The following RUFY1 variants were observed in gnomAD, a reference collection of about 807,000 sequenced individuals.
RUFY1 encodes RUN and FYVE domain containing 1, also known as RUN and FYVE domain-containing protein 1.
In RUFY1, 54 loss-of-function variants were observed where a neutral mutation model predicts 94.6. That is an observed-to-expected ratio of 0.57 (90% confidence interval 0.46 to 0.72). RUFY1 has a LOEUF of 0.72. RUFY1 is among the 30% of genes least tolerant of loss of function. RUFY1 has a pLI of 0.00. For missense variants in RUFY1, 883 were observed against 883.9 expected, an observed-to-expected ratio of 1.00 and a Z score of 0.01; for synonymous variants, 396 against 347.3, an observed-to-expected ratio of 1.14 and a Z score of -1.56.
At chr5:179,577,039 CATTTT>C in intron 5 of RUFY1, 31 bp from the exon 6 acceptor site, 1 of 1,327,430 alleles carries the variant, frequency 7.5e-7, no homozygotes, top group Non-Finnish European at 1.1e-6. Flanking sequence ...AAAAATAGGA[CATTTT>C]ATTTAAACTT....
chr5:179,564,927 T>G (rs144554066), intron 3 of RUFY1, among the ~76,000 whole-genome samples: 1 of 152,126 alleles, frequency 6.6e-6, no homozygotes, highest in East Asian at 1.9e-4. Flanking sequence ...GGAAAGATTT[T>G]CAAGATGACA....
At chr5:179,575,813 ACT>A (rs1249561066) in intron 5 of RUFY1, among the ~76,000 whole-genome samples, 2 of 151,796 alleles carry the variant, frequency 1.3e-5, no homozygotes, top group African/African-American at 2.4e-5. Context: ...GCAGTGTCTG[ACT>A]CTGTCACCCA....
intron 9 of RUFY1, 132 bp downstream of exon 9, chr5:179,589,779 T>G (rs1186903793): frequency 1.4e-6 from 1 of 718,380 alleles, no homozygotes; most frequent in African/African-American, 1.8e-5. Context: ...AGAAAGGGCC[T>G]CTCACTGCGG....
chr5:179,570,047 ATT>A (rs34540241), intron 5 of RUFY1, among the ~76,000 whole-genome samples: 15 of 138,572 alleles, frequency 1.1e-4, no homozygotes, highest in Middle Eastern at 3.7e-3. Context: ...CCCGGCCTGT[ATT>A]TTTTTTTTTT....
chr5:179,550,802 C>T lies in RUFY1; in HGVS notation c.233C>T (p.Ser78Leu), dbSNP rs1182796142. The change falls in exon 1 of 18, where the codon TCG (serine) becomes TTG (leucine). Residue 78 changes from serine (S) to leucine (L), a missense_variant. Transcript: ENST00000319449. ...TLARRATGNL[S>L]ASCGSALRAA... ...GCACGCAGGGCCACCGGGAACCTGT[C>T]GGCGAGCTGCGGGAGCGCGCTGCGC... 1 of 1,319,056 alleles carries T rather than the reference C, an allele frequency of 7.6e-7. No homozygotes were observed. The highest frequency in any genetic ancestry group is 3.4e-5 in the Admixed American group (1 of 29,504). 81.7% of individuals were successfully genotyped at this position (1,319,056 alleles called of 1,614,324 possible). A position where few individuals can be genotyped will look rare whatever the true frequency, so the allele number is the denominator to read the frequency against.
At chr5:179,591,242 T>C (rs1035110872) in intron 9 of RUFY1, among the ~76,000 whole-genome samples, 1 of 152,044 alleles carries the variant, frequency 6.6e-6, no homozygotes, top group East Asian at 1.9e-4. Context: ...TGGAGTGCAA[T>C]GGCACGATCT....
intron 1 of RUFY1, among the ~76,000 whole-genome samples, chr5:179,556,484 T>C (rs1762118840): frequency 6.6e-6 from 1 of 152,010 alleles, no homozygotes; most frequent in Admixed American, 6.6e-5. Context: ...TAAAGAATTA[T>C]ACATAAATTT....
At chr5:179,577,926 T>G (rs1250830062) in intron 6 of RUFY1, among the ~76,000 whole-genome samples, 2 of 151,492 alleles carry the variant, frequency 1.3e-5, no homozygotes, top group Non-Finnish European at 2.9e-5. Context: ...AGATTTTCTG[T>G]TTTGTTTAGT....
At chr5:179,593,411 C>T (rs1223765939) in intron 10 of RUFY1, 67 bp from the exon 11 acceptor site, 8 of 1,532,996 alleles carry the variant, frequency 5.2e-6, no homozygotes, top group African/African-American at 1.4e-5. Flanking sequence ...ACCTGAGATT[C>T]AACCCCAGTT....
chr5:179,559,470 T>G (rs1762274236), intron 1 of RUFY1, among the ~76,000 whole-genome samples: 2 of 152,226 alleles, frequency 1.3e-5, no homozygotes, highest in Non-Finnish European at 2.9e-5. Flanking sequence ...GGCACCCGGC[T>G]GGCACTATCC....
At chr5:179,602,189 G>A (rs2127571702) in intron 15 of RUFY1, 2 of 566,488 alleles carry the variant, frequency 3.5e-6, no homozygotes, top group Admixed American at 3.0e-5. Context: ...GGGTGTCAGC[G>A]AGCTCTTAGT....
chr5:179,585,558 G>A (rs894863421), intron 7 of RUFY1, among the ~76,000 whole-genome samples: 1 of 152,180 alleles, frequency 6.6e-6, no homozygotes, highest in Non-Finnish European at 1.5e-5. Context: ...TAGTCTGGGC[G>A]ACAGAGCGAG....
intron 1 of RUFY1, 76 bp from the exon 2 acceptor site, chr5:179,559,949 C>A (rs1352409012): frequency 5.2e-5 from 79 of 1,531,714 alleles, no homozygotes; most frequent in Non-Finnish European, 6.3e-5. Flanking sequence ...CCTGACCCGT[C>A]TTCTCACCGT....
chr5:179,589,197 C>T (rs1436726849), intron 8 of RUFY1, among the ~76,000 whole-genome samples: 1 of 152,064 alleles, frequency 6.6e-6, no homozygotes, highest in Non-Finnish European at 1.5e-5. Context: ...TTTTATGCTT[C>T]CACTATGATG....
At chr5:179,589,495 A>G (rs540999307) in intron 8 of RUFY1, 51 bp from the exon 9 acceptor site, 1 of 1,140,404 alleles carries the variant, frequency 8.8e-7, no homozygotes, top group Non-Finnish European at 1.3e-6. Context: ...TTTAATTTGA[A>G]CAATAAGATT....
At chr5:179,570,813 G>A (rs1763173132) in intron 5 of RUFY1, among the ~76,000 whole-genome samples, 1 of 151,092 alleles carries the variant, frequency 6.6e-6, no homozygotes, top group South Asian at 2.1e-4. Context: ...GTCTTTGCAT[G>A]TTGAAAAATA....
chr5:179,554,517 CAA>C (rs1186530669), intron 1 of RUFY1, among the ~76,000 whole-genome samples: 3 of 150,950 alleles, frequency 2.0e-5, no homozygotes, highest in African/African-American at 4.9e-5. Flanking sequence ...GCTAGGGCAA[CAA>C]GAGCAAAACT....
At chr5:179,554,541 A>G (rs1048462308) in intron 1 of RUFY1, among the ~76,000 whole-genome samples, 5 of 152,118 alleles carry the variant, frequency 3.3e-5, no homozygotes, top group Admixed American at 2.0e-4. Flanking sequence ...TGTCTCAAAA[A>G]AAAAAAGAAA....
chr5:179,577,498 G>C (rs897929145), intron 6 of RUFY1, among the ~76,000 whole-genome samples: 2 of 151,162 alleles, frequency 1.3e-5, no homozygotes, highest in African/African-American at 4.9e-5. Context: ...TGGCAAAGGC[G>C]GGTCTTTGGG....
Sources: allele counts gnomAD v4.1 joint callset (sites outside exome capture counted in the v4.1 genomes callset), GRCh38; gene constraint gnomAD v4.1.1; transcripts MANE v1.5; gene names NCBI Gene and HGNC (gene_info 2026-07-23, HGNC 2026-07-21).